The following DLG2 variants were observed in gnomAD, a reference collection of about 807,000 sequenced individuals.
The protein encoded by DLG2 is disks large homolog 2.
Under a neutral mutation model 132.5 loss-of-function variants are expected in DLG2, and 45 were observed. That is an observed-to-expected ratio of 0.34 (90% confidence interval 0.27 to 0.44). The LOEUF is 0.44. Among genes scored for constraint, DLG2 ranks in the 20% least tolerant of loss-of-function variants. The pLI is 1.00. For missense variants in DLG2, 1,045 were observed against 1,196.9 expected (o/e 0.87, Z 1.87); for synonymous variants, 424 against 419.6 (o/e 1.01, Z -0.13).
intron 6 of DLG2, among the ~76,000 whole-genome samples, chr11:84,941,361 C>A (rs572469563): frequency 6.6e-6 from 1 of 152,274 alleles, no homozygotes; most frequent in Non-Finnish European, 1.5e-5. Context: ...TTCTTCTAAT[C>A]CATGAACATG....
intron 3 of DLG2, among the ~76,000 whole-genome samples, chr11:85,529,994 T>TG (rs1261911135): frequency 6.7e-6 from 1 of 149,258 alleles, no homozygotes; most frequent in African/African-American, 2.5e-5. Flanking sequence ...TTTGTTTTTT[T>TG]TTTTTTTTTT....
intron 9 of DLG2, among the ~76,000 whole-genome samples, chr11:84,153,057 C>A (rs1009072043): frequency 6.6e-6 from 1 of 152,080 alleles, no homozygotes; most frequent in African/African-American, 2.4e-5. Flanking sequence ...AATTCCCTTA[C>A]GCTTGTCTGG....
intron 9 of DLG2, among the ~76,000 whole-genome samples, chr11:84,151,835 C>T (rs1287659635): frequency 6.6e-6 from 1 of 152,066 alleles, no homozygotes; most frequent in African/African-American, 2.4e-5. Flanking sequence ...TGTTTAATTC[C>T]TATGTAATTG....
chr11:84,199,926 C>G (rs2096569986), intron 8 of DLG2, among the ~76,000 whole-genome samples: 1 of 151,854 alleles, frequency 6.6e-6, no homozygotes, highest in Admixed American at 6.6e-5. Context: ...AAAAAAACCA[C>G]AGTTCTAAGA....
chr11:83,478,321 C>T (rs1302213793), intron 22 of DLG2, among the ~76,000 whole-genome samples: 2 of 152,152 alleles, frequency 1.3e-5, no homozygotes, highest in East Asian at 3.9e-4. Flanking sequence ...CCTTCTGTAA[C>T]CTTGGATGAG....
intron 18 of DLG2, among the ~76,000 whole-genome samples, chr11:83,752,547 T>A (rs1016066669): frequency 6.6e-6 from 1 of 152,108 alleles, no homozygotes; most frequent in Admixed American, 6.5e-5. Flanking sequence ...ACACTGAGAA[T>A]AAAAATTTTG....
At chr11:84,303,836 TG>T (rs1435871556) in intron 7 of DLG2, among the ~76,000 whole-genome samples, 1 of 152,224 alleles carries the variant, frequency 6.6e-6, no homozygotes, top group African/African-American at 2.4e-5. Flanking sequence ...GAATAGAAGG[TG>T]TCATTCTTGA....
chr11:83,586,684 G>T (rs1406672728), intron 19 of DLG2, among the ~76,000 whole-genome samples: 1 of 152,156 alleles, frequency 6.6e-6, no homozygotes, highest in Non-Finnish European at 1.5e-5. Flanking sequence ...GCTCTATAGG[G>T]TAGATACTAT....
chr11:84,113,584 T>C (rs2093474069), intron 9 of DLG2, among the ~76,000 whole-genome samples: 1 of 152,214 alleles, frequency 6.6e-6, no homozygotes, highest in Non-Finnish European at 1.5e-5. Context: ...GCTGACAAGC[T>C]TTCTGACTTA....
chr11:84,971,824 C>T (rs990326653), intron 6 of DLG2, among the ~76,000 whole-genome samples: 1 of 151,824 alleles, frequency 6.6e-6, no homozygotes, highest in Admixed American at 6.6e-5. Flanking sequence ...TTAAGGAAGT[C>T]AAAAAAGCTT....
intron 4 of DLG2, among the ~76,000 whole-genome samples, chr11:85,235,272 T>A (rs959646239): frequency 6.6e-6 from 1 of 152,052 alleles, no homozygotes; most frequent in Non-Finnish European, 1.5e-5. Flanking sequence ...TTCTCAAATG[T>A]ACCTATCAAG....
At chr11:84,918,699 G>T (rs377734118) in intron 6 of DLG2, among the ~76,000 whole-genome samples, 1 of 152,140 alleles carries the variant, frequency 6.6e-6, no homozygotes, top group Non-Finnish European at 1.5e-5. Context: ...AAGAGTATGT[G>T]ACTTAGTGTA....
At chr11:83,706,830 C>G (rs2084126465) in intron 18 of DLG2, among the ~76,000 whole-genome samples, 1 of 152,172 alleles carries the variant, frequency 6.6e-6, no homozygotes, top group African/African-American at 2.4e-5. Context: ...TCAGTTACAC[C>G]TGGATGAAGC....
Position 84,502,382 on chromosome 11 carries a change from CTT to C in DLG2, c.519+32186_519+32187del, listed in dbSNP as rs1567806893. ...TCTTTCTTTCTTTCTTTCTTTCTTT[CTT>C]TCTTTCTTTCTTTCTTTCTTTCTTT... On this transcript the variant is annotated intron_variant, in intron 7 of 27. Coordinates refer to ENST00000376104, the MANE Select transcript of DLG2 (RefSeq NM_001142699.3). 5.3e-3 allele frequency among the ~76,000 whole-genome samples: 475 copies of C among 89,064 alleles called. 1 individual carries two copies. The highest frequency in any genetic ancestry group is 7.3e-3 in the South Asian group (22 of 3,016). The allele number at this position is 89,064 out of a possible 152,430, so 58.4% of individuals were successfully genotyped here.
intron 6 of DLG2, among the ~76,000 whole-genome samples, chr11:84,542,174 C>A (rs1194757829): frequency 2.0e-5 from 3 of 151,416 alleles, no homozygotes; most frequent in African/African-American, 7.3e-5. Flanking sequence ...GGGGAAGGAA[C>A]AAATCAAAAG....
Position 83,459,918 on chromosome 11 carries a change from A to T in DLG2, c.2828T>A (p.Val943Asp). The T allele has an allele frequency of 1.3e-6, 2 of 1,566,944 alleles. No homozygotes were observed. Among genetic ancestry groups the T allele is most frequent in the Non-Finnish European group, 1.8e-6 (2 of 1,139,462 alleles). ...TATATCTTCTAAAGTATCTCCTTGG[A>T]CAATAGCTGTAACAAAAGCAAACAC... is the stretch of plus-strand genomic sequence containing the variant. ...QEFGEYFTAI[V>D]QGDTLEDIYN... The change falls in exon 28 of 28, where the codon GTC (valine) becomes GAC (aspartate). Residue 943 changes from valine (V) to aspartate (D), a missense_variant. Val to Asp is a radical substitution (Grantham distance 152). Transcript: ENST00000376104.
At chr11:83,807,438 C>T (rs2046193966) in intron 17 of DLG2, among the ~76,000 whole-genome samples, 1 of 152,128 alleles carries the variant, frequency 6.6e-6, no homozygotes. Flanking sequence ...TGTGAGTTTC[C>T]ATGGTTAGTT....
intron 6 of DLG2, among the ~76,000 whole-genome samples, chr11:84,816,643 C>A (rs375698687): frequency 6.6e-6 from 1 of 151,748 alleles, no homozygotes; most frequent in Non-Finnish European, 1.5e-5. Flanking sequence ...CTGTTATTAC[C>A]CTCACTTCAC....
intron 3 of DLG2, among the ~76,000 whole-genome samples, chr11:85,586,184 T>C (rs2078958503): frequency 6.6e-6 from 1 of 152,230 alleles, no homozygotes; most frequent in Admixed American, 6.5e-5. Context: ...TCTGTAGTTT[T>C]CTTTTTTTGT....
Sources: gnomAD v4.1 joint callset for allele counts (sites outside exome capture counted in the v4.1 genomes callset) on GRCh38, gnomAD v4.1.1 for gene constraint, MANE v1.5 for transcripts, NCBI Gene and HGNC (gene_info 2026-07-23, HGNC 2026-07-21) for gene names.